Variants in DENND2A observed in about 807,000 individuals in gnomAD.
DENND2A encodes the protein DENN domain-containing protein 2A.
In DENND2A, 53 loss-of-function variants were observed where a neutral mutation model predicts 105.3. The observed-to-expected ratio is 0.50, with a 90% CI of 0.40 to 0.63. The LOEUF (loss-of-function observed/expected upper bound fraction) is 0.63, where lower values mean the gene tolerates loss of function less well. DENND2A is among the 30% of genes least tolerant of loss of function. DENND2A has a pLI of 0.00. For synonymous variants in DENND2A, 522 were observed against 508.4 expected (o/e 1.03, Z -0.36); for missense variants, 1,138 against 1,279.6 (o/e 0.89, Z 1.69).
intron 3 of DENND2A, among the ~76,000 whole-genome samples, chr7:140,589,157 G>A (rs1324116726): frequency 6.6e-6 from 1 of 152,146 alleles, no homozygotes; most frequent in Non-Finnish European, 1.5e-5. Flanking sequence ...AAGTCTGGTT[G>A]GAGACTGATG....
intron 2 of DENND2A, among the ~76,000 whole-genome samples, chr7:140,604,777 T>G (rs1171994720): frequency 6.6e-6 from 1 of 152,242 alleles, no homozygotes; most frequent in Non-Finnish European, 1.5e-5. Flanking sequence ...GTTTTTCATC[T>G]TCCTTCTGTA....
chr7:140,639,726 T>C (rs567787648), intron 1 of DENND2A, among the ~76,000 whole-genome samples: 2 of 152,368 alleles, frequency 1.3e-5, no homozygotes, highest in East Asian at 3.9e-4. Context: ...GAATCGCATC[T>C]GAACAGCAGC....
chr7:140,606,862 T>C (rs1216041692), intron 1 of DENND2A, among the ~76,000 whole-genome samples: 2 of 152,160 alleles, frequency 1.3e-5, no homozygotes, highest in Non-Finnish European at 2.9e-5. Flanking sequence ...AGTAACTGAT[T>C]AAACTTCATT....
chr7:140,614,650 A>G (rs1800019517), intron 1 of DENND2A, among the ~76,000 whole-genome samples: 1 of 152,228 alleles, frequency 6.6e-6, no homozygotes, highest in Non-Finnish European at 1.5e-5. Context: ...CAGGCAAAAA[A>G]TAGAGAAGAA....
chr7:140,565,883 C>G (rs151047151), intron 9 of DENND2A, among the ~76,000 whole-genome samples: 4,239 of 152,216 alleles, frequency 0.028, 199 homozygotes, highest in African/African-American at 0.094. Context: ...TCTGGTAGTC[C>G]TCACTGCTAC....
chr7:140,558,430 T>C (rs924961457), intron 10 of DENND2A, among the ~76,000 whole-genome samples: 2 of 152,162 alleles, frequency 1.3e-5, no homozygotes, highest in African/African-American at 4.8e-5. Flanking sequence ...GCACAGTGGC[T>C]CATGCCTGTA....
chr7:140,538,201 A>G (rs1279654788), intron 14 of DENND2A, among the ~76,000 whole-genome samples: 1 of 152,174 alleles, frequency 6.6e-6, no homozygotes, highest in Non-Finnish European at 1.5e-5. Context: ...GGAGACTCAC[A>G]GCGATGATGA....
intron 1 of DENND2A, among the ~76,000 whole-genome samples, chr7:140,612,592 C>T (rs1389402447): frequency 3.3e-5 from 5 of 151,800 alleles, no homozygotes; most frequent in South Asian, 2.1e-4. Flanking sequence ...ACCTCCACCT[C>T]GCGGGTTCCA....
intron 4 of DENND2A, among the ~76,000 whole-genome samples, chr7:140,586,366 A>AACACACACACACACAC (rs10524571): frequency 4.3e-5 from 6 of 139,630 alleles, no homozygotes; most frequent in East Asian, 2.2e-4. Context: ...TAAAAAAGAA[A>AACACACACACACACAC]ACACACACAC....
intron 12 of DENND2A, among the ~76,000 whole-genome samples, chr7:140,550,644 T>G (rs1585607099): frequency 6.6e-6 from 1 of 152,128 alleles, no homozygotes; most frequent in East Asian, 1.9e-4. Context: ...GTAATTTTAG[T>G]AGAGATCGGG....
At chr7:140,626,898 C>T (rs1019739808) in intron 1 of DENND2A, among the ~76,000 whole-genome samples, 1 of 152,170 alleles carries the variant, frequency 6.6e-6, no homozygotes, top group East Asian at 1.9e-4. Context: ...GGATTAAAAG[C>T]AAAGGGTTTG....
chr7:140,631,997 C>T (rs139610333), intron 1 of DENND2A, among the ~76,000 whole-genome samples: 36 of 152,198 alleles, frequency 2.4e-4, no homozygotes, highest in African/African-American at 8.2e-4. Flanking sequence ...TATCTAGTAA[C>T]CAAACTAGAG....
intron 14 of DENND2A, among the ~76,000 whole-genome samples, chr7:140,531,951 A>T (rs1452625251): frequency 6.6e-6 from 1 of 151,624 alleles, no homozygotes; most frequent in Non-Finnish European, 1.5e-5. Flanking sequence ...GCTTGAAGCC[A>T]GTGATTTGGA....
intron 14 of DENND2A, among the ~76,000 whole-genome samples, chr7:140,539,918 T>C (rs182517321): frequency 3.3e-5 from 5 of 152,302 alleles, no homozygotes; most frequent in Admixed American, 2.6e-4. Flanking sequence ...TGTGGAGCCA[T>C]TTGTAACAGG....
At chr7:140,615,532 C>CTTTTTTT (rs57498403) in intron 1 of DENND2A, among the ~76,000 whole-genome samples, 3 of 140,938 alleles carry the variant, frequency 2.1e-5, no homozygotes, top group Non-Finnish European at 3.1e-5. Flanking sequence ...AGGAGTTCTG[C>CTTTTTTT]TTTTTTTTTT....
intron 3 of DENND2A, among the ~76,000 whole-genome samples, 184 bp from the exon 4 acceptor site, chr7:140,587,964 G>A (rs917223721): frequency 1.3e-5 from 2 of 152,144 alleles, no homozygotes; most frequent in African/African-American, 4.8e-5. Context: ...AGGCTGGAGG[G>A]CAGCGGCGCC....
At chr7:140,588,186 T>C (rs1798865957) in intron 3 of DENND2A, among the ~76,000 whole-genome samples, 1 of 152,024 alleles carries the variant, frequency 6.6e-6, no homozygotes, top group African/African-American at 2.4e-5. Context: ...GCTGGGATTA[T>C]ACACTGTGCC....
chr7:140,588,275 G>A (rs1798869742), intron 3 of DENND2A, among the ~76,000 whole-genome samples: 1 of 152,134 alleles, frequency 6.6e-6, no homozygotes, highest in Non-Finnish European at 1.5e-5. Context: ...GTGCAAGAAT[G>A]TTCATGCTAT....
At position 140,602,411 on chromosome 7, in the gene DENND2A, G is replaced by T; in HGVS notation, c.-14C>A. The T allele has an allele frequency of 6.5e-7, 1 of 1,539,568 alleles. No homozygotes were observed. Among genetic ancestry groups the T allele is most frequent in the Non-Finnish European group, 8.7e-7 (1 of 1,146,544 alleles). On this transcript the variant is annotated 5_prime_UTR_variant, in exon 3 of 20. Transcript: ENST00000496613. ...GAACATATCCATTCTTGACTCTAGC[G>T]TGAGGTTGTGGAGGCCTTCCAGGGG...
Sources: allele counts gnomAD v4.1 joint callset (sites outside exome capture counted in the v4.1 genomes callset), GRCh38; gene constraint gnomAD v4.1.1; transcripts MANE v1.5; gene names NCBI Gene and HGNC (gene_info 2026-07-23, HGNC 2026-07-21).